The following KCTD7 variants were observed in gnomAD, a reference collection of about 807,000 sequenced individuals.
KCTD7 encodes the protein potassium channel tetramerization domain containing 7.
In KCTD7, 15 loss-of-function variants were observed where a neutral mutation model predicts 27.0. That is an observed-to-expected ratio of 0.56 (90% confidence interval 0.37 to 0.86). KCTD7 has a LOEUF of 0.86. Ranked by LOEUF, KCTD7 falls within the 40% of genes least tolerant of loss-of-function variation. The pLI, the probability that KCTD7 is intolerant of heterozygous loss-of-function variation, is 0.00. For synonymous variants in KCTD7, 159 were observed against 162.7 expected, an observed-to-expected ratio of 0.98 and a Z score of 0.17; for missense variants, 299 against 398.9, an observed-to-expected ratio of 0.75 and a Z score of 2.13.
chr7:66,632,346 T>G (rs2420821), intron 1 of KCTD7, among the ~76,000 whole-genome samples: 102,961 of 151,628 alleles, frequency 0.68, 35,275 homozygotes, highest in African/African-American at 0.77. Flanking sequence ...AATTAGCCAG[T>G]CGTGGTGGCA....
Position 66,640,938 on chromosome 7 carries a change from A to T in KCTD7, c.*1706A>T, listed in dbSNP as rs943771107. The T allele has an allele frequency of 1.0e-6, 1 of 985,476 alleles. No individual in the cohort carries two copies. The highest frequency in any genetic ancestry group is 1.7e-5 in the African/African-American group (1 of 57,244). The allele number at this position is 985,476 out of a possible 1,614,324, so 61.0% of individuals were successfully genotyped here. A position where few individuals can be genotyped will look rare whatever the true frequency, so the allele number is the denominator to read the frequency against. ...ATAAGGGGAGCTGAAGTCTGTGTTCATATGAGGAAGAGAAGACCAAGCCCT... is the reference window on the plus strand; with the variant it reads ...ATAAGGGGAGCTGAAGTCTGTGTTCTTATGAGGAAGAGAAGACCAAGCCCT... On this transcript the variant is annotated 3_prime_UTR_variant, in exon 4 of 4. Transcript: ENST00000639828.
At chr7:66,629,739 C>T (rs537228518) in intron 1 of KCTD7, among the ~76,000 whole-genome samples, 29 of 152,286 alleles carry the variant, frequency 1.9e-4, no homozygotes, top group Non-Finnish European at 3.5e-4. Context: ...AAGATGTCTT[C>T]TAGAGAATCC....
At chr7:66,629,960 C>T (rs1203321086) in intron 1 of KCTD7, among the ~76,000 whole-genome samples, 1 of 152,150 alleles carries the variant, frequency 6.6e-6, no homozygotes, top group East Asian at 1.9e-4. Context: ...ATGTCAACAC[C>T]TGAAATGACA....
intron 1 of KCTD7, among the ~76,000 whole-genome samples, chr7:66,630,773 A>G (rs1287381039): frequency 2.0e-5 from 3 of 151,944 alleles, no homozygotes; most frequent in African/African-American, 7.3e-5. Context: ...AAAGAGCACA[A>G]GACCACAGAT....
At position 66,640,262 on chromosome 7, in the gene KCTD7, A is replaced by G; in HGVS notation, c.*1030A>G. 1.3e-6 allele frequency: 2 copies of G among 1,495,032 alleles called. No individual in the cohort carries two copies. Among genetic ancestry groups the G allele is most frequent in the Non-Finnish European group, 1.8e-6 (2 of 1,127,364 alleles). 92.6% of individuals were successfully genotyped at this position (1,495,032 alleles called of 1,614,324 possible). On this transcript the variant is annotated 3_prime_UTR_variant, in exon 4 of 4. Coordinates refer to ENST00000639828, the MANE Select transcript of KCTD7 (RefSeq NM_153033.5). ...GCTGGGTGAGACACACAGCTATCCT[A>G]GGAGCCGTAGGAAGACAAAACTTCC...
At chr7:66,631,196 G>A (rs62469066) in intron 1 of KCTD7, among the ~76,000 whole-genome samples, 6,016 of 152,236 alleles carry the variant, frequency 0.04, 168 homozygotes, top group East Asian at 0.088. Context: ...TTTATTTAAT[G>A]TATTTGTACC....
chr7:66,631,819 C>T (rs996714591), intron 1 of KCTD7, among the ~76,000 whole-genome samples: 5 of 152,202 alleles, frequency 3.3e-5, no homozygotes, highest in South Asian at 2.1e-4. Context: ...TTAGCTGGAC[C>T]GGAAACCAGG....
At chr7:66,629,456 A>T (rs1246660512) in intron 1 of KCTD7, among the ~76,000 whole-genome samples, 4 of 147,176 alleles carry the variant, frequency 2.7e-5, no homozygotes, top group Non-Finnish European at 6.0e-5. Context: ...CCCAGTAGTC[A>T]CTGGGGTGAT....
At position 66,641,311 on chromosome 7, in the gene KCTD7, CAGAG is replaced by C. The variant is rs1483358285; in HGVS notation, c.*2082_*2085del. On this transcript the variant is annotated 3_prime_UTR_variant, in exon 4 of 4. Coordinates refer to ENST00000639828, the MANE Select transcript of KCTD7 (RefSeq NM_153033.5). ...TGCCTAATATGTGTTCATTTTTTGACAGAGAGGCAGACTATTGAAAAAGTCTGTG... is the reference window on the plus strand; with the variant it reads ...TGCCTAATATGTGTTCATTTTTTGACAGGCAGACTATTGAAAAAGTCTGTG... 2.0e-6 allele frequency: 2 copies of C among 985,178 alleles called. No homozygotes were observed. The highest frequency in any genetic ancestry group is 1.7e-5 in the African/African-American group (1 of 57,198). 61.0% of individuals were successfully genotyped at this position (985,178 alleles called of 1,614,324 possible). A position where few individuals can be genotyped will look rare whatever the true frequency, so the allele number is the denominator to read the frequency against.
Position 66,640,373 on chromosome 7 carries a change from T to C in KCTD7, c.*1141T>C. 6.5e-7 allele frequency: 1 copy of C among 1,537,268 alleles called. No individual in the cohort carries two copies. Among genetic ancestry groups the C allele is most frequent in the Non-Finnish European group, 8.7e-7 (1 of 1,146,866 alleles). ...ACTCCTCACTCCTGTATATTTTGGT[T>C]TACTTACTCCTCTATTTCAGAAATT... On this transcript the variant is annotated 3_prime_UTR_variant, in exon 4 of 4. Coordinates refer to ENST00000639828, the MANE Select transcript of KCTD7 (RefSeq NM_153033.5).
intron 1 of KCTD7, among the ~76,000 whole-genome samples, chr7:66,629,671 A>G (rs1016766889): frequency 6.6e-6 from 1 of 152,124 alleles, no homozygotes; most frequent in Non-Finnish European, 1.5e-5. Context: ...CCCCGTCCCT[A>G]CTACGACTGG....
At chr7:66,630,940 G>T (rs1053419512) in intron 1 of KCTD7, among the ~76,000 whole-genome samples, 1 of 152,040 alleles carries the variant, frequency 6.6e-6, no homozygotes, top group Admixed American at 6.6e-5. Flanking sequence ...CTTTAGAAAA[G>T]GTTTAAAGAG....
chr7:66,639,483 T>C lies in KCTD7; in HGVS notation c.*251T>C, dbSNP rs1435898845. The C allele has an allele frequency of 1.4e-6, 2 of 1,415,594 alleles. No individual in the cohort carries two copies. The highest frequency in any genetic ancestry group is 1.8e-6 in the Non-Finnish European group (2 of 1,086,408). The allele number at this position is 1,415,594 out of a possible 1,614,324, so 87.7% of individuals were successfully genotyped here. Reference sequence around the variant, plus strand: ...CACCTGGCCTTTCCTCAAGGCATGGTAGTCTTTCCTTGAGGCTGATAGCTA... The same window carrying C: ...CACCTGGCCTTTCCTCAAGGCATGGCAGTCTTTCCTTGAGGCTGATAGCTA... On this transcript the variant is annotated 3_prime_UTR_variant, in exon 4 of 4. Transcript: ENST00000639828.
chr7:66,638,718 GC>G (rs537962115), intron 3 of KCTD7, 137 bp from the exon 4 acceptor site: 374 of 1,073,012 alleles, frequency 3.5e-4, no homozygotes, highest in Non-Finnish European at 4.9e-4. Flanking sequence ...CCCTTCATTG[GC>G]CCCCTGAGTC....
Position 66,628,984 on chromosome 7 carries a change from G to C in KCTD7, c.-81G>C. The C allele has an allele frequency of 7.2e-7, 1 of 1,389,396 alleles. No homozygotes were observed. 86.1% of individuals were successfully genotyped at this position (1,389,396 alleles called of 1,614,324 possible). Reference sequence around the variant, plus strand: ...GCCCGCAGCCGGCCGCGTCATGCCAGGCGCTGCTCGGCGGTAGGGAGTGCC... The same window carrying C: ...GCCCGCAGCCGGCCGCGTCATGCCACGCGCTGCTCGGCGGTAGGGAGTGCC... On this transcript the variant is annotated 5_prime_UTR_variant, in exon 1 of 4. Transcript: ENST00000639828.
rs1376124087 is a variant in KCTD7, at chr7:66,642,261, TA to T, written c.*3030del. The T allele has an allele frequency of 3.0e-6, 3 of 985,344 alleles. No individual in the cohort carries two copies. In the African/African-American group the frequency reaches 5.2e-5, roughly 17 times the overall value. The allele number at this position is 985,344 out of a possible 1,614,324, so 61.0% of individuals were successfully genotyped here. ...GAAGGAATCATCACCTTCCTTATTT[TA>T]CCTCTGCCTTGTTCACCAGGCTGCC... On this transcript the variant is annotated 3_prime_UTR_variant, in exon 4 of 4. Coordinates refer to ENST00000639828, the MANE Select transcript of KCTD7 (RefSeq NM_153033.5).
chr7:66,632,226 G>T (rs959461601), intron 1 of KCTD7, among the ~76,000 whole-genome samples: 2 of 150,814 alleles, frequency 1.3e-5, no homozygotes, highest in African/African-American at 2.4e-5. Flanking sequence ...GGTGGCTCAC[G>T]CCGGTAATCC....
At position 66,639,975 on chromosome 7, in the gene KCTD7, A is replaced by T. The variant is rs781181088; in HGVS notation, c.*743A>T. 9.6e-6 allele frequency: 12 copies of T among 1,253,210 alleles called. No homozygotes were observed. Among genetic ancestry groups the T allele is most frequent in the Non-Finnish European group, 1.2e-5 (12 of 1,001,750 alleles). 77.6% of individuals were successfully genotyped at this position (1,253,210 alleles called of 1,614,324 possible). A position where few individuals can be genotyped will look rare whatever the true frequency, so the allele number is the denominator to read the frequency against. The stretch of plus-strand genomic sequence containing the variant: ...CTTGCTTGCAGGGTTATCTTCTCAC[A>T]GGGCTGGAATGCAAATTTCAGAGGC... On this transcript the variant is annotated 3_prime_UTR_variant, in exon 4 of 4. Transcript: ENST00000639828.
chr7:66,629,555 G>T (rs1320605014), intron 1 of KCTD7, among the ~76,000 whole-genome samples: 1 of 152,054 alleles, frequency 6.6e-6, no homozygotes, highest in Non-Finnish European at 1.5e-5. Context: ...AGAGCTGATG[G>T]TGTGTCTGAC....
Sources: gnomAD v4.1 joint callset for allele counts (sites outside exome capture counted in the v4.1 genomes callset) on GRCh38, gnomAD v4.1.1 for gene constraint, MANE v1.5 for transcripts, NCBI Gene and HGNC (gene_info 2026-07-23, HGNC 2026-07-21) for gene names.